The following NTN5 variants were observed in gnomAD, a reference collection of about 807,000 sequenced individuals.
NTN5 encodes netrin 5, also known as netrin-5.
A neutral mutation model predicts 38.7 loss-of-function variants in NTN5; 42 were observed. That is an observed-to-expected ratio of 1.08 (90% CI 0.85 to 1.40). NTN5 has a LOEUF of 1.40. Among genes scored for constraint, NTN5 ranks in the 40% most tolerant of loss-of-function variants. The pLI is 0.00. For synonymous variants in NTN5, 329 were observed against 303.9 expected (o/e 1.08, Z -0.86); for missense variants, 658 against 716.5 (o/e 0.92, Z 0.93).
At chr19:48,669,576 T>TCACCAC (rs1356023446) in intron 2 of NTN5, among the ~76,000 whole-genome samples, 2 of 12,220 alleles carry the variant, frequency 1.6e-4, no homozygotes, top group African/African-American at 5.5e-4. Context: ...ATCACCACCA[T>TCACCAC]CACCACCACG....
rs1282504723 is a variant in NTN5 at position 48,664,741 on chromosome 19, G to A, written c.658C>T (p.Arg220Cys). ...LPCSCNQHARRCRFNSELFRL... is the reference protein window; with the variant it reads ...LPCSCNQHARCCRFNSELFRL... Reference sequence around the variant, plus strand: ...AACAGCTCAGAGTTGAACCGGCAGCGTCGGGCGTGCTGGTTGCAGGAGCAG... The same window carrying A: ...AACAGCTCAGAGTTGAACCGGCAGCATCGGGCGTGCTGGTTGCAGGAGCAG... Residue 220 changes from arginine (R) to cysteine (C), a missense_variant, in exon 3 of 7, where the codon CGC (arginine) becomes TGC (cysteine). Arg to Cys is a radical substitution (Grantham distance 180). Coordinates refer to ENST00000270235, the MANE Select transcript of NTN5 (RefSeq NM_145807.4). 3.8e-6 allele frequency: 6 copies of A among 1,577,854 alleles called. No individual in the cohort carries two copies. The highest frequency in any genetic ancestry group is 2.4e-5 in the East Asian group (1 of 42,318).
At chr19:48,669,694 C>G (rs1237135603) in intron 2 of NTN5, among the ~76,000 whole-genome samples, 3 of 60,954 alleles carry the variant, frequency 4.9e-5, no homozygotes, top group African/African-American at 1.8e-4. Flanking sequence ...ATCACCACCA[C>G]CATCATCACC....
At chr19:48,667,474 C>A in intron 2 of NTN5, 1 of 264,740 alleles carries the variant, frequency 3.8e-6, no homozygotes, top group Non-Finnish European at 8.0e-6. Flanking sequence ...GTGAGTCTCA[C>A]CCCTCACTCC....
chr19:48,668,076 AG>A (rs536833894), intron 2 of NTN5, among the ~76,000 whole-genome samples: 161 of 152,098 alleles, frequency 1.1e-3, no homozygotes, highest in African/African-American at 3.6e-3. Context: ...GGGCTGTTGG[AG>A]GGAGGTAGGG....
chr19:48,664,845 T>C, intron 2 of NTN5, 78 bp from the exon 3 acceptor site: 2 of 1,290,050 alleles, frequency 1.6e-6, no homozygotes, highest in Non-Finnish European at 2.0e-6. Flanking sequence ...CCCATGGCCC[T>C]GCCCTCATGA....
chr19:48,664,128 C>T lies in NTN5; in HGVS notation c.970+15G>A. ...CGCTCTACTCAGGCTTGTGGCCTGG[C>T]CCCTCAAGACTTACGCTGGCAGGGC... On this transcript the variant is annotated intron_variant, in intron 4 of 6. Transcript: ENST00000270235. The T allele has an allele frequency of 1.3e-6, 2 of 1,595,990 alleles. No homozygotes were observed. The highest frequency in any genetic ancestry group is 8.5e-7 in the Non-Finnish European group (1 of 1,171,854).
rs202223346 is a variant in NTN5 at position 48,661,744 on chromosome 19, T to G, written c.1403A>C (p.Gln468Pro). ...RWARPLKRLQ[Q>P]EERAGGCRGV... ...GCGGCAGCCTCCGGCGCGCTCCTCCTGCTGCAGCCGCTTCAGGGGCCGGGC... is the reference window on the plus strand; with the variant it reads ...GCGGCAGCCTCCGGCGCGCTCCTCCGGCTGCAGCCGCTTCAGGGGCCGGGC... Residue 468 changes from glutamine to proline, a missense_variant, in exon 7 of 7, where the codon CAG (glutamine) becomes CCG (proline). Gln to Pro is a moderately conservative substitution (Grantham distance 76, BLOSUM62 -1). Coordinates refer to ENST00000270235, the MANE Select transcript of NTN5 (RefSeq NM_145807.4). 702 of 1,528,382 alleles carry G rather than the reference T, an allele frequency of 4.6e-4. 5 individuals carry two copies. The highest frequency in any genetic ancestry group is 9.1e-5 in the Non-Finnish European group (105 of 1,148,518). The allele number at this position is 1,528,382 out of a possible 1,614,324, so 94.7% of individuals were successfully genotyped here.
chr19:48,662,016 G>C lies in NTN5; in HGVS notation c.1131C>G (p.Ser377=). 2 of 1,485,804 alleles carry C rather than the reference G, an allele frequency of 1.3e-6. No individual in the cohort carries two copies. The highest frequency in any genetic ancestry group is 1.2e-5 in the South Asian group (1 of 80,622). The allele number at this position is 1,485,804 out of a possible 1,614,324, so 92.0% of individuals were successfully genotyped here. Residue 377 remains serine (S), a synonymous_variant, in exon 7 of 7, where the codon TCC becomes TCG. Coordinates refer to ENST00000270235, the MANE Select transcript of NTN5 (RefSeq NM_145807.4). The part of the protein sequence containing the change: ...DHVLRAQVLA[S]EAAGPAWQRL... ...GCTGCCATGCCGGGCCCGCCGCCTC[G>C]GACGCTAGCACCTGCGCGCGGAGAA...
chr19:48,667,472 C>A, intron 2 of NTN5: 1 of 281,856 alleles, frequency 3.5e-6, no homozygotes, highest in Non-Finnish European at 7.5e-6. Flanking sequence ...TGGTGAGTCT[C>A]ACCCCTCACT....
At chr19:48,669,855 CCACCACCAT>C (rs2031886156) in intron 2 of NTN5, among the ~76,000 whole-genome samples, 2 of 108,682 alleles carry the variant, frequency 1.8e-5, no homozygotes, top group Non-Finnish European at 4.1e-5. Context: ...ACTACCATCA[CCACCACCAT>C]CACCATCATC....
At chr19:48,666,952 T>C (rs1346573589) in intron 2 of NTN5, among the ~76,000 whole-genome samples, 1 of 151,598 alleles carries the variant, frequency 6.6e-6, no homozygotes, top group Non-Finnish European at 1.5e-5. Context: ...CACTAAGAGG[T>C]TTGAGAGCCC....
At chr19:48,669,826 CACCATCACCATCACCACCACT>C (rs1568452590) in intron 2 of NTN5, among the ~76,000 whole-genome samples, 41 of 140,258 alleles carry the variant, frequency 2.9e-4, no homozygotes, top group Non-Finnish European at 6.2e-4. Flanking sequence ...TCACCACCAC[CACCATCACCATCACCACCACT>C]ACCATCACCA....
intron 2 of NTN5, among the ~76,000 whole-genome samples, chr19:48,665,636 C>T (rs552400919): frequency 7.2e-5 from 11 of 152,006 alleles, no homozygotes; most frequent in South Asian, 2.1e-4. Flanking sequence ...GCCTGGCCAG[C>T]GTGGTGAAAC....
At chr19:48,667,407 C>G in intron 2 of NTN5, 1 of 425,414 alleles carries the variant, frequency 2.4e-6, no homozygotes, top group South Asian at 1.7e-5. Context: ...GGACAGCCTC[C>G]CCAGCGCCCA....
chr19:48,665,348 A>C (rs1419185644), intron 2 of NTN5, among the ~76,000 whole-genome samples: 2 of 150,878 alleles, frequency 1.3e-5, no homozygotes, highest in Non-Finnish European at 2.9e-5. Flanking sequence ...AGGCAGGAGA[A>C]TCTCCTGAAC....
intron 5 of NTN5, 109 bp from the exon 6 acceptor site, chr19:48,663,652 C>G: frequency 6.6e-7 from 1 of 1,515,732 alleles, no homozygotes. Flanking sequence ...GTACCCAAAC[C>G]TTTGGGACTG....
At chr19:48,672,588 G>A (rs1244413685) in intron 1 of NTN5, among the ~76,000 whole-genome samples, 3 of 152,198 alleles carry the variant, frequency 2.0e-5, no homozygotes, top group East Asian at 3.8e-4. Flanking sequence ...TCAGGTGGCA[G>A]CCGCCTGCCT....
At chr19:48,663,414 A>G (rs1287033889) in intron 6 of NTN5, 49 bp downstream of exon 6, 18 of 1,539,484 alleles carry the variant, frequency 1.2e-5, no homozygotes, top group Non-Finnish European at 1.5e-5. Flanking sequence ...AGAAGCAGTC[A>G]TCAGAACCAG....
intron 2 of NTN5, among the ~76,000 whole-genome samples, chr19:48,665,472 G>T (rs1193394441): frequency 6.6e-6 from 1 of 151,004 alleles, no homozygotes; most frequent in Non-Finnish European, 1.5e-5. Flanking sequence ...ACTGGAGCTG[G>T]TAAGTCCGGG....
Sources: gnomAD v4.1 joint callset for allele counts (sites outside exome capture counted in the v4.1 genomes callset) on GRCh38, gnomAD v4.1.1 for gene constraint, MANE v1.5 for transcripts, NCBI Gene and HGNC (gene_info 2026-07-23, HGNC 2026-07-21) for gene names.